The following DIS3L2 variants were observed in gnomAD, a reference collection of about 807,000 sequenced individuals.
The protein encoded by DIS3L2 is DIS3 like 3'-5' exoribonuclease 2, also known as DIS3-like exonuclease 2.
In DIS3L2, 34 loss-of-function variants were observed where a neutral mutation model predicts 97.5. The ratio of observed to expected loss-of-function variants is 0.35; its 90% CI spans 0.27 to 0.46. DIS3L2 has a LOEUF of 0.46. DIS3L2 is among the 20% of genes least tolerant of loss of function. The pLI, the probability that DIS3L2 is intolerant of heterozygous loss-of-function variation, is 1.00. For synonymous variants in DIS3L2, 435 were observed against 445.2 expected, an observed-to-expected ratio of 0.98 and a Z score of 0.29; for missense variants, 1,038 against 1,146.0, an observed-to-expected ratio of 0.91 and a Z score of 1.36.
At chr2:232,330,816 G>A in intron 16 of DIS3L2, 40 bp downstream of exon 16, 1 of 1,586,826 alleles carries the variant, frequency 6.3e-7, no homozygotes, top group Non-Finnish European at 8.6e-7. Flanking sequence ...GCTCCCAGGA[G>A]CACACTAGCC....
chr2:231,966,171 CT>C (rs59059695), intron 1 of DIS3L2, among the ~76,000 whole-genome samples: 256 of 140,404 alleles, frequency 1.8e-3, no homozygotes, highest in Middle Eastern at 3.8e-3. Context: ...TCTTCTTCTT[CT>C]TTTTTTTTTT....
rs770359206 is a variant in DIS3L2 at position 232,014,963 on chromosome 2, C to T, written c.36C>T (p.Pro12=). The change falls in exon 2 of 21, where the codon CCC becomes CCT. Residue 12 remains proline (P), a synonymous_variant. Transcript: ENST00000325385. ...CTGACTACAGAATGAACCTCCGGCC[C>T]CTGGGGACCCCCAGAGGTAGTAAAA... ...SHPDYRMNLR[P]LGTPRGVSAV... The T allele has an allele frequency of 6.2e-7, 1 of 1,613,958 alleles. No homozygotes were observed. Among genetic ancestry groups the T allele is most frequent in the East Asian group, 2.2e-5 (1 of 44,868 alleles).
At chr2:232,223,298 G>A (rs188535325) in intron 10 of DIS3L2, among the ~76,000 whole-genome samples, 2 of 152,308 alleles carry the variant, frequency 1.3e-5, no homozygotes, top group African/African-American at 4.8e-5. Flanking sequence ...TGCAATAGGA[G>A]CAGGAGAACT....
chr2:232,089,131 C>T (rs1696757342), intron 6 of DIS3L2, among the ~76,000 whole-genome samples: 1 of 152,188 alleles, frequency 6.6e-6, no homozygotes, highest in Non-Finnish European at 1.5e-5. Flanking sequence ...TGCTTTTCTC[C>T]ATTGCTGAGG....
chr2:232,076,382 C>T (rs545644306), intron 5 of DIS3L2, among the ~76,000 whole-genome samples: 191 of 152,266 alleles, frequency 1.3e-3, no homozygotes, highest in African/African-American at 4.3e-3. Flanking sequence ...CTACAAAGGG[C>T]TGGACCAGTT....
intron 5 of DIS3L2, among the ~76,000 whole-genome samples, chr2:232,055,680 G>A (rs1695527597): frequency 6.6e-6 from 1 of 152,168 alleles, no homozygotes; most frequent in South Asian, 2.1e-4. Flanking sequence ...AGACAATTTT[G>A]AAGTACAAAG....
At chr2:232,317,407 C>T (rs888839241) in intron 14 of DIS3L2, among the ~76,000 whole-genome samples, 2 of 152,136 alleles carry the variant, frequency 1.3e-5, no homozygotes, top group African/African-American at 2.4e-5. Context: ...CTCTCATGTT[C>T]TGTGTTCCTA....
At chr2:232,199,212 C>T (rs1029983167) in intron 9 of DIS3L2, among the ~76,000 whole-genome samples, 4 of 152,072 alleles carry the variant, frequency 2.6e-5, no homozygotes, top group African/African-American at 4.8e-5. Flanking sequence ...AAAAAGGCTA[C>T]AATTATTCAC....
At chr2:232,272,322 T>C (rs1694028662) in intron 13 of DIS3L2, among the ~76,000 whole-genome samples, 1 of 152,142 alleles carries the variant, frequency 6.6e-6, no homozygotes, top group Admixed American at 6.5e-5. Context: ...CTTTCTACCC[T>C]CAAGCTGCTT....
intron 9 of DIS3L2, among the ~76,000 whole-genome samples, chr2:232,187,842 C>G (rs1691482693): frequency 6.6e-6 from 1 of 152,094 alleles, no homozygotes; most frequent in Admixed American, 6.6e-5. Flanking sequence ...TCGAGACCAG[C>G]CTGGGCAACA....
intron 1 of DIS3L2, among the ~76,000 whole-genome samples, chr2:231,981,134 G>C (rs1693243592): frequency 6.6e-6 from 1 of 152,012 alleles, no homozygotes; most frequent in South Asian, 2.1e-4. Context: ...ATTAGAGATG[G>C]GGTTTCTCCA....
chr2:232,262,541 A>G (rs1007672122), intron 12 of DIS3L2, among the ~76,000 whole-genome samples: 3 of 152,198 alleles, frequency 2.0e-5, no homozygotes, highest in African/African-American at 4.8e-5. Flanking sequence ...TCAACTTGGT[A>G]GGGAGAGGTG....
intron 13 of DIS3L2, among the ~76,000 whole-genome samples, chr2:232,296,182 C>G (rs764556089): frequency 6.6e-6 from 1 of 152,334 alleles, no homozygotes; most frequent in East Asian, 1.9e-4. Context: ...ATCTGCCCTG[C>G]AGCCTGAGCC....
chr2:232,227,530 C>G (rs1416109260), intron 10 of DIS3L2, among the ~76,000 whole-genome samples: 4 of 152,200 alleles, frequency 2.6e-5, no homozygotes, highest in African/African-American at 9.7e-5. Flanking sequence ...ATACCACAGG[C>G]ATACATAAAT....
At chr2:232,161,399 T>G (rs1025289588) in intron 8 of DIS3L2, among the ~76,000 whole-genome samples, 4 of 152,236 alleles carry the variant, frequency 2.6e-5, no homozygotes, top group African/African-American at 7.2e-5. Context: ...CTATTTTAGC[T>G]ACTTCTCACA....
intron 1 of DIS3L2, among the ~76,000 whole-genome samples, chr2:231,981,136 G>A (rs1693243686): frequency 6.6e-6 from 1 of 152,036 alleles, no homozygotes; most frequent in Admixed American, 6.6e-5. Context: ...TAGAGATGGG[G>A]TTTCTCCATG....
chr2:232,159,334 C>T (rs1414958102), intron 8 of DIS3L2, among the ~76,000 whole-genome samples: 2 of 152,332 alleles, frequency 1.3e-5, no homozygotes, highest in East Asian at 1.9e-4. Context: ...CTGCTGCCAC[C>T]GCTGCTATCA....
At chr2:232,127,278 C>T (rs1363744985) in intron 6 of DIS3L2, among the ~76,000 whole-genome samples, 1 of 152,164 alleles carries the variant, frequency 6.6e-6, no homozygotes, top group East Asian at 1.9e-4. Flanking sequence ...AGAACCACCT[C>T]CGAAATAGAA....
At chr2:232,221,101 C>CA (rs373784144) in intron 10 of DIS3L2, among the ~76,000 whole-genome samples, 27,494 of 97,534 alleles carry the variant, frequency 0.28, 5,042 homozygotes, top group African/African-American at 0.48. Flanking sequence ...GACTTCATCT[C>CA]AAAAAAAAAA....
Sources: gnomAD v4.1 joint callset for allele counts (sites outside exome capture counted in the v4.1 genomes callset) on GRCh38, gnomAD v4.1.1 for gene constraint, MANE v1.5 for transcripts, NCBI Gene and HGNC (gene_info 2026-07-23, HGNC 2026-07-21) for gene names.